Variants in GTPBP8 observed in about 807,000 individuals in gnomAD.
The protein encoded by GTPBP8 is GTP binding protein 8.
GTPBP8 carries 21 observed loss-of-function variants against 27.3 expected under a neutral mutation model. That is an observed-to-expected ratio of 0.77 (90% CI 0.55 to 1.11). GTPBP8 has a LOEUF of 1.11. GTPBP8 is among the 50% of genes least tolerant of loss of function. The probability of loss-of-function intolerance (pLI) is 0.00; values close to 1 mark genes in which losing one functional copy is unlikely to be tolerated. For missense variants in GTPBP8, 380 were observed against 350.8 expected, an observed-to-expected ratio of 1.08 and a Z score of -0.67; for synonymous variants, 147 against 135.3, an observed-to-expected ratio of 1.09 and a Z score of -0.60.
At position 112,990,986 on chromosome 3, in the gene GTPBP8, T is replaced by C. The variant is rs1933654974; in HGVS notation, c.-14T>C. ...AGGAGTAAAATCTCTCTGCCCGTCT[T>C]CTGGGAAGGGAGAATGGCGGCGCCC... On this transcript the variant is annotated 5_prime_UTR_variant, in exon 1 of 6. Transcript: ENST00000383678. 1.9e-6 allele frequency: 3 copies of C among 1,574,368 alleles called. No homozygotes were observed. Among genetic ancestry groups the C allele is most frequent in the African/African-American group, 1.4e-5 (1 of 73,500 alleles).
At chr3:112,993,351 C>G (rs368646489) in intron 2 of GTPBP8, among the ~76,000 whole-genome samples, 1 of 137,300 alleles carries the variant, frequency 7.3e-6, no homozygotes, top group Admixed American at 7.7e-5. Context: ...GAAAGTCTTT[C>G]TTTATCCAAA....
chr3:112,992,288 C>G (rs1933697778), intron 1 of GTPBP8: 1 of 152,218 alleles, frequency 6.6e-6, no homozygotes, highest in Non-Finnish European at 1.5e-5. Flanking sequence ...AGGATAGGAT[C>G]CCTGGCCCCT....
chr3:113,001,760 G>A lies in GTPBP8; in HGVS notation c.*841G>A, dbSNP rs1933918299. 6.6e-6 allele frequency: 1 copy of A among 152,114 alleles called. No homozygotes were observed. Among genetic ancestry groups the A allele is most frequent in the Non-Finnish European group, 1.5e-5 (1 of 68,036 alleles). The allele number at this position is 152,114 out of a possible 1,614,324, so 9.4% of individuals were successfully genotyped here. On this transcript the variant is annotated 3_prime_UTR_variant, in exon 6 of 6. Coordinates refer to ENST00000383678, the MANE Select transcript of GTPBP8 (RefSeq NM_014170.4). ...AAGTGAGAAAACTAATTTGTAAAGG[G>A]CAAGAGAAAAAAGCTGATGGGACAG... is the stretch of plus-strand genomic sequence containing the variant.
intron 4 of GTPBP8, among the ~76,000 whole-genome samples, chr3:112,998,213 C>T (rs1306268115): frequency 1.3e-5 from 2 of 152,044 alleles, no homozygotes; most frequent in Non-Finnish European, 2.9e-5. Flanking sequence ...CACAATCCCA[C>T]AGATTGAGGA....
intron 5 of GTPBP8, among the ~76,000 whole-genome samples, chr3:113,000,248 ATT>A (rs1933866869): frequency 6.6e-6 from 1 of 152,028 alleles, no homozygotes; most frequent in Non-Finnish European, 1.5e-5. Flanking sequence ...AAAAAAAAAA[ATT>A]AGCCAGATGT....
chr3:112,998,452 A>G (rs2107371420), intron 4 of GTPBP8, among the ~76,000 whole-genome samples: 1 of 152,260 alleles, frequency 6.6e-6, no homozygotes, highest in South Asian at 2.1e-4. Context: ...CTCCTTGGGC[A>G]TGCCACCCTT....
chr3:112,995,672 G>A (rs1317126268), intron 3 of GTPBP8, among the ~76,000 whole-genome samples: 1 of 151,960 alleles, frequency 6.6e-6, no homozygotes, highest in East Asian at 1.9e-4. Flanking sequence ...GAGTAGCTGA[G>A]ACTACAGGTG....
Position 112,995,205 on chromosome 3 carries a change from G to A in GTPBP8, c.506G>A (p.Gly169Asp). ...ACAGTGGTGGACATGCCAGGTTATG[G>A]CTTTAGAGCACCTGAAGATTTTGTT... is the stretch of plus-strand genomic sequence containing the variant. The part of the protein sequence containing the change: ...HFTVVDMPGY[G>D]FRAPEDFVDM... The change falls in exon 3 of 6, where the codon GGC becomes GAC. Residue 169 changes from glycine to aspartate, a missense_variant. By Grantham distance (94) the Gly-to-Asp change is moderately conservative (BLOSUM62 -1). Coordinates refer to ENST00000383678, the MANE Select transcript of GTPBP8 (RefSeq NM_014170.4). 4 of 1,608,712 alleles carry A rather than the reference G, an allele frequency of 2.5e-6. No individual in the cohort carries two copies. Among genetic ancestry groups the A allele is most frequent in the Non-Finnish European group, 3.4e-6 (4 of 1,175,814 alleles).
chr3:112,997,159 C>T lies in GTPBP8; in HGVS notation c.666+168C>T, dbSNP rs80126769. ...TCATCCATTAATATTAAAAGAAGTT[C>T]TATGGCACTTTTATTCTCTTTTCTG... is the stretch of plus-strand genomic sequence containing the variant. On this transcript the variant is annotated intron_variant, in intron 4 of 5. Coordinates refer to ENST00000383678, the MANE Select transcript of GTPBP8 (RefSeq NM_014170.4). Among the ~76,000 whole-genome samples, 1,609 of 152,224 alleles carry T rather than the reference C, an allele frequency of 0.011. 98 individuals are homozygous for T. The East Asian group carries it at 0.17, about 16-fold the overall frequency.
chr3:112,991,388 G>T (rs766011341), intron 1 of GTPBP8, 53 bp downstream of exon 1: 4 of 1,509,548 alleles, frequency 2.6e-6, no homozygotes, highest in Non-Finnish European at 3.7e-6. Context: ...AGCGCTAACC[G>T]CTTCCCTGGC....
At chr3:112,993,354 T>C (rs889375350) in intron 2 of GTPBP8, among the ~76,000 whole-genome samples, 1 of 147,340 alleles carries the variant, frequency 6.8e-6, no homozygotes, top group Non-Finnish European at 1.5e-5. Context: ...AGTCTTTCTT[T>C]ATCCAAATTT....
At chr3:112,993,360 A>G (rs75728040) in intron 2 of GTPBP8, among the ~76,000 whole-genome samples, 1 of 152,068 alleles carries the variant, frequency 6.6e-6, no homozygotes, top group African/African-American at 2.4e-5. Flanking sequence ...TCTTTATCCA[A>G]ATTTTGCAGA....
intron 1 of GTPBP8, 50 bp from the exon 2 acceptor site, chr3:112,992,976 G>C (rs764951413): frequency 3.2e-6 from 3 of 948,512 alleles, no homozygotes; most frequent in Middle Eastern, 4.4e-4. Flanking sequence ...ATCTAATGCA[G>C]AATAGCATAT....
At chr3:112,995,664 G>A (rs1933771373) in intron 3 of GTPBP8, among the ~76,000 whole-genome samples, 1 of 151,886 alleles carries the variant, frequency 6.6e-6, no homozygotes, top group Non-Finnish European at 1.5e-5. Flanking sequence ...AGCCTCCTGA[G>A]TAGCTGAGAC....
Position 113,001,054 on chromosome 3 carries a change from A to G in GTPBP8, c.*135A>G, listed in dbSNP as rs1933897302. On this transcript the variant is annotated 3_prime_UTR_variant, in exon 6 of 6. Coordinates refer to ENST00000383678, the MANE Select transcript of GTPBP8 (RefSeq NM_014170.4). ...ACTTCAGGAGGATCACTTGAGCTTT[A>G]AAACCTGTGCCTTCTCGAAACAAGA... 2 of 574,142 alleles carry G rather than the reference A, an allele frequency of 3.5e-6. No individual in the cohort carries two copies. Among genetic ancestry groups the G allele is most frequent in the Non-Finnish European group, 6.1e-6 (2 of 328,510 alleles). The allele number at this position is 574,142 out of a possible 1,614,324, so 35.6% of individuals were successfully genotyped here.
intron 4 of GTPBP8, 23 bp from the exon 5 acceptor site, chr3:112,999,423 C>A (rs1184177254): frequency 6.3e-6 from 5 of 789,946 alleles, no homozygotes; most frequent in Non-Finnish European, 4.2e-6. Flanking sequence ...ATTTCTAATG[C>A]ATAAAAATTT....
chr3:112,991,406 C>A, intron 1 of GTPBP8, 71 bp downstream of exon 1: 1 of 1,398,874 alleles, frequency 7.1e-7, no homozygotes, highest in Non-Finnish European at 1.0e-6. Context: ...GGCCGTCCGG[C>A]TCGCGGGTGA....
chr3:112,998,915 T>A (rs1282115045), intron 4 of GTPBP8, among the ~76,000 whole-genome samples: 9 of 152,324 alleles, frequency 5.9e-5, no homozygotes, highest in Admixed American at 1.3e-4. Context: ...TTTGTAATAA[T>A]CACCCATACT....
intron 4 of GTPBP8, among the ~76,000 whole-genome samples, chr3:112,998,327 C>G (rs1404123188): frequency 2.0e-5 from 3 of 152,146 alleles, no homozygotes. Flanking sequence ...CCAACTACCC[C>G]CTCTTTGGGT....
Sources: allele counts gnomAD v4.1 joint callset (sites outside exome capture counted in the v4.1 genomes callset), GRCh38; gene constraint gnomAD v4.1.1; transcripts MANE v1.5; gene names NCBI Gene and HGNC (gene_info 2026-07-23, HGNC 2026-07-21).